FBXL13: variants seen among roughly 807,000 people sequenced by gnomAD.
FBXL13 encodes F-box and leucine rich repeat protein 13.
In FBXL13, 67 loss-of-function variants were observed where a neutral mutation model predicts 83.6. That is an observed-to-expected ratio of 0.80 (90% CI 0.66 to 0.98). The LOEUF is 0.98. Among genes scored for constraint, FBXL13 ranks in the 50% least tolerant of loss-of-function variants. The pLI is 0.00. For synonymous variants in FBXL13, 272 were observed against 299.5 expected (o/e 0.91, Z 0.95); for missense variants, 822 against 866.5 (o/e 0.95, Z 0.64).
At chr7:102,969,818 A>AGGGAGGAGAG (rs1826403353) in intron 6 of FBXL13, among the ~76,000 whole-genome samples, 1 of 99,876 alleles carries the variant, frequency 1.0e-5, no homozygotes, top group Non-Finnish European at 1.9e-5. Context: ...GGGAAAGGAA[A>AGGGAGGAGAG]GGGAGGAGAG....
intron 16 of FBXL13, chr7:102,857,756 G>C (rs1035088469): frequency 6.6e-6 from 1 of 152,138 alleles, no homozygotes; most frequent in Admixed American, 6.5e-5. Flanking sequence ...GCCACAATGA[G>C]ATGTCATCTC....
At chr7:103,054,945 T>C (rs1228401554) in intron 2 of FBXL13, 143 bp downstream of exon 3, 2 of 385,064 alleles carry the variant, frequency 5.2e-6, no homozygotes, top group Non-Finnish European at 9.7e-6. Context: ...TGTGTATGTG[T>C]GTGGCTATTC....
intron 2 of FBXL13, chr7:103,050,056 T>G (rs1796652955): frequency 6.6e-6 from 1 of 152,206 alleles, no homozygotes; most frequent in Admixed American, 6.5e-5. Flanking sequence ...AACAACAGGC[T>G]TATGAGGTTT....
At chr7:102,967,026 GT>G (rs1343077697) in intron 7 of FBXL13, among the ~76,000 whole-genome samples, 2 of 151,970 alleles carry the variant, frequency 1.3e-5, no homozygotes, top group African/African-American at 4.8e-5. Context: ...CTGGAGTGCG[GT>G]GGTGTGATCT....
chr7:102,931,583 C>T (rs1420321834), intron 9 of FBXL13, among the ~76,000 whole-genome samples: 4 of 152,150 alleles, frequency 2.6e-5, no homozygotes, highest in Admixed American at 2.0e-4. Context: ...ATCATGTCTA[C>T]TGGGGCCCAA....
intron 17 of FBXL13, among the ~76,000 whole-genome samples, chr7:102,847,638 T>C (rs538528937): frequency 6.6e-6 from 1 of 152,086 alleles, no homozygotes; most frequent in Non-Finnish European, 1.5e-5. Context: ...GTGATTCTCC[T>C]GTCTCAGCCT....
chr7:103,036,226 A>G (rs7455410), intron 2 of FBXL13, among the ~76,000 whole-genome samples: 139,401 of 152,172 alleles, frequency 0.92, 64,082 homozygotes, highest in Middle Eastern at 0.97. Flanking sequence ...CCACAAAACC[A>G]GTCTCTGGTA....
chr7:102,892,797 T>A (rs1312835295), intron 11 of FBXL13, among the ~76,000 whole-genome samples: 1 of 152,228 alleles, frequency 6.6e-6, no homozygotes, highest in East Asian at 1.9e-4. Context: ...GCATTATCTA[T>A]GTTCTTGAGG....
intron 11 of FBXL13, among the ~76,000 whole-genome samples, chr7:102,901,850 T>G (rs1051772333): frequency 3.9e-5 from 6 of 152,226 alleles, no homozygotes; most frequent in Non-Finnish European, 8.8e-5. Context: ...GACACTTAGG[T>G]TGCTTGCAAG....
intron 17 of FBXL13, among the ~76,000 whole-genome samples, chr7:102,833,824 A>G (rs959395881): frequency 6.6e-6 from 1 of 152,148 alleles, no homozygotes; most frequent in East Asian, 1.9e-4. Flanking sequence ...AGGCCTGGAA[A>G]TCATTCCCTT....
chr7:102,817,819 T>C (rs1798215912), intron 19 of FBXL13, among the ~76,000 whole-genome samples: 1 of 152,182 alleles, frequency 6.6e-6, no homozygotes, highest in African/African-American at 2.4e-5. Flanking sequence ...TGCATTCCAT[T>C]CTGCTTTGGC....
At chr7:103,020,342 T>C (rs944183409) in intron 6 of FBXL13, among the ~76,000 whole-genome samples, 5 of 152,188 alleles carry the variant, frequency 3.3e-5, no homozygotes, top group Non-Finnish European at 7.3e-5. Flanking sequence ...ATAAGAGCTA[T>C]TTATGACAAA....
In FBXL13 at chr7:102,973,271, C is replaced by G. The variant is rs371634037; in HGVS notation, c.496-5154G>C. The G allele has an allele frequency of 6.6e-5, 29 of 441,258 alleles. No homozygotes were observed. The East Asian group carries it at 1.6e-3, about 24-fold the overall frequency. The allele number at this position is 441,258 out of a possible 1,614,324, so 27.3% of individuals were successfully genotyped here. A position where few individuals can be genotyped will look rare whatever the true frequency, so the allele number is the denominator to read the frequency against. Reference sequence around the variant, plus strand: ...ATGAGTAACTCCTCTCTTCTCAGGCCCAGTCCCAAGGCACAAGGCCACTTG... The same window carrying G: ...ATGAGTAACTCCTCTCTTCTCAGGCGCAGTCCCAAGGCACAAGGCCACTTG... On this transcript the variant is annotated intron_variant, in intron 6 of 19. Transcript: ENST00000313221.
intron 6 of FBXL13, among the ~76,000 whole-genome samples, chr7:103,014,414 T>C (rs898621386): frequency 1.3e-5 from 2 of 152,026 alleles, no homozygotes; most frequent in African/African-American, 4.8e-5. Flanking sequence ...CATGACCAGA[T>C]GGATTCACAG....
At chr7:103,004,194 T>C (rs1790728254) in intron 6 of FBXL13, among the ~76,000 whole-genome samples, 1 of 152,210 alleles carries the variant, frequency 6.6e-6, no homozygotes, top group African/African-American at 2.4e-5. Context: ...TTCTAAGATA[T>C]GGTTGTTTGG....
chr7:102,941,741 C>A (rs1339722563), intron 8 of FBXL13, among the ~76,000 whole-genome samples: 1 of 149,268 alleles, frequency 6.7e-6, no homozygotes. Flanking sequence ...AGTTTTAAAG[C>A]TGTCTCAAAA....
At chr7:102,848,889 A>C (rs2129450632) in intron 17 of FBXL13, among the ~76,000 whole-genome samples, 1 of 152,078 alleles carries the variant, frequency 6.6e-6, no homozygotes, top group South Asian at 2.1e-4. Flanking sequence ...AATCCCAGCT[A>C]CTCGGGAGGC....
intron 11 of FBXL13, among the ~76,000 whole-genome samples, chr7:102,891,415 A>C (rs1199401014): frequency 6.6e-6 from 1 of 152,208 alleles, no homozygotes; most frequent in African/African-American, 2.4e-5. Context: ...CCTCTGCCTT[A>C]TATGACAGTT....
At chr7:102,914,924 C>G (rs1226573790) in intron 10 of FBXL13, among the ~76,000 whole-genome samples, 2 of 152,102 alleles carry the variant, frequency 1.3e-5, no homozygotes, top group Non-Finnish European at 2.9e-5. Context: ...GAGAGGCACA[C>G]CAGGGTGTCA....
Sources: gnomAD v4.1 joint callset for allele counts (sites outside exome capture counted in the v4.1 genomes callset) on GRCh38, gnomAD v4.1.1 for gene constraint, MANE v1.5 for transcripts, NCBI Gene and HGNC (gene_info 2026-07-23, HGNC 2026-07-21) for gene names.